The following CAPN5 variants were observed in gnomAD, a reference collection of about 807,000 sequenced individuals.
CAPN5 encodes the protein calpain-5.
In CAPN5, 54 loss-of-function variants were observed where a neutral mutation model predicts 73.0. That is an observed-to-expected ratio of 0.74 (90% CI 0.59 to 0.93). CAPN5 has a LOEUF of 0.93. CAPN5 is among the 40% of genes least tolerant of loss of function. The pLI, the probability that CAPN5 is intolerant of heterozygous loss-of-function variation, is 0.00. For missense variants in CAPN5, 785 were observed against 882.9 expected (o/e 0.89, Z 1.41); for synonymous variants, 335 against 356.9 (o/e 0.94, Z 0.69).
At chr11:77,090,042 A>G (rs782428217) in intron 2 of CAPN5, among the ~76,000 whole-genome samples, 21 of 152,194 alleles carry the variant, frequency 1.4e-4, no homozygotes, top group Non-Finnish European at 2.5e-4. Flanking sequence ...GGGGATGCCA[A>G]CAGTGCCCAT....
At chr11:77,096,487 C>T (rs115034483) in intron 3 of CAPN5, among the ~76,000 whole-genome samples, 2,572 of 152,294 alleles carry the variant, frequency 0.017, 65 homozygotes, top group African/African-American at 0.058. Context: ...AGATGGCCCA[C>T]CTGTTTCTCT....
At chr11:77,104,244 C>G (rs1454182481) in intron 3 of CAPN5, among the ~76,000 whole-genome samples, 1 of 152,162 alleles carries the variant, frequency 6.6e-6, no homozygotes, top group Non-Finnish European at 1.5e-5. Flanking sequence ...AGGGGGTTCC[C>G]TTTGCCTTGA....
intron 1 of CAPN5, among the ~76,000 whole-genome samples, chr11:77,071,296 G>A (rs782367220): frequency 1.3e-5 from 2 of 152,246 alleles, no homozygotes; most frequent in Non-Finnish European, 2.9e-5. Context: ...GGTAGCCAGA[G>A]TTCAGGGATG....
intron 3 of CAPN5, among the ~76,000 whole-genome samples, chr11:77,108,078 C>T (rs1280567192): frequency 6.6e-6 from 1 of 152,214 alleles, no homozygotes; most frequent in South Asian, 2.1e-4. Flanking sequence ...CCATGCACCG[C>T]AGTGGGTAAT....
chr11:77,068,065 G>C (rs1018114602), intron 1 of CAPN5, among the ~76,000 whole-genome samples: 12 of 152,168 alleles, frequency 7.9e-5, no homozygotes, highest in South Asian at 2.1e-4. Flanking sequence ...CAGACTTCTT[G>C]GAAGAGAGGG....
At chr11:77,093,285 C>G (rs938334024) in intron 2 of CAPN5, among the ~76,000 whole-genome samples, 1 of 152,136 alleles carries the variant, frequency 6.6e-6, no homozygotes, top group Non-Finnish European at 1.5e-5. Flanking sequence ...TGTGGGCTGG[C>G]GGGGGTGGGC....
intron 3 of CAPN5, among the ~76,000 whole-genome samples, chr11:77,107,369 C>T (rs1412864374): frequency 6.6e-6 from 1 of 152,190 alleles, no homozygotes; most frequent in Non-Finnish European, 1.5e-5. Flanking sequence ...AGAAACGCTC[C>T]GCACTGGCCC....
chr11:77,104,641 G>T (rs1950324919), intron 3 of CAPN5, among the ~76,000 whole-genome samples: 1 of 152,070 alleles, frequency 6.6e-6, no homozygotes, highest in African/African-American at 2.4e-5. Context: ...TTGGGGGAGT[G>T]CCTGACCTGC....
intron 1 of CAPN5, chr11:77,072,880 C>T (rs1476257415): frequency 2.9e-6 from 1 of 342,472 alleles, no homozygotes; most frequent in African/African-American, 2.2e-5. Flanking sequence ...CCCCTCCCTG[C>T]CACTCAATCA....
chr11:77,109,282 A>G (rs1555040395), intron 3 of CAPN5, among the ~76,000 whole-genome samples: 3 of 152,210 alleles, frequency 2.0e-5, no homozygotes, highest in African/African-American at 7.2e-5. Flanking sequence ...ATGAGCAGGA[A>G]GTCTCTTCCA....
At chr11:77,097,678 G>C (rs1277729476) in intron 3 of CAPN5, among the ~76,000 whole-genome samples, 1 of 102,972 alleles carries the variant, frequency 9.7e-6, no homozygotes, top group Non-Finnish European at 1.9e-5. Flanking sequence ...GACTCTTAAC[G>C]AGCATGCTGC....
intron 3 of CAPN5, among the ~76,000 whole-genome samples, chr11:77,101,207 G>T (rs1418294703): frequency 6.6e-6 from 1 of 152,150 alleles, no homozygotes; most frequent in African/African-American, 2.4e-5. Flanking sequence ...GGCAGGCCCC[G>T]TTCTGGTTGC....
chr11:77,070,741 T>C (rs1288217225), intron 1 of CAPN5, among the ~76,000 whole-genome samples: 1 of 152,230 alleles, frequency 6.6e-6, no homozygotes, highest in Non-Finnish European at 1.5e-5. Context: ...CCCATGAGTC[T>C]AATGGAGCTA....
intron 2 of CAPN5, among the ~76,000 whole-genome samples, chr11:77,085,322 C>G (rs1282890426): frequency 6.6e-6 from 1 of 152,192 alleles, no homozygotes; most frequent in African/African-American, 2.4e-5. Context: ...GGGCAGTAAC[C>G]TCAGCCCCGC....
chr11:77,093,487 G>A (rs1555036871), intron 2 of CAPN5, among the ~76,000 whole-genome samples, 195 bp from the exon 3 acceptor site: 1 of 152,212 alleles, frequency 6.6e-6, no homozygotes, highest in African/African-American at 2.4e-5. Flanking sequence ...AGGCAGGACC[G>A]CGGGGTGGGG....
intron 8 of CAPN5, 81 bp from the exon 9 acceptor site, chr11:77,118,949 C>T: frequency 6.7e-7 from 1 of 1,502,530 alleles, no homozygotes; most frequent in African/African-American, 1.4e-5. Flanking sequence ...GCTCTGGAGT[C>T]TGAGCTTCCG....
chr11:77,093,586 C>G, intron 2 of CAPN5, 96 bp from the exon 3 acceptor site: 8 of 778,348 alleles, frequency 1.0e-5, no homozygotes, highest in South Asian at 4.6e-5. Flanking sequence ...CACAGCAAGT[C>G]TGTGTCTGTC....
chr11:77,067,264 G>A (rs1487617379), intron 1 of CAPN5, among the ~76,000 whole-genome samples, 170 bp downstream of exon 1: 1 of 151,934 alleles, frequency 6.6e-6, no homozygotes, highest in Non-Finnish European at 1.5e-5. Flanking sequence ...CGCTGGCTGG[G>A]GGGCGGGGTC....
At position 77,103,317 on chromosome 11, in the gene CAPN5, T is replaced by A. The variant is rs1555039315; in HGVS notation, c.298-9272T>A. 3 of 1,609,464 alleles carry A rather than the reference T, an allele frequency of 1.9e-6. No homozygotes were observed. The East Asian group carries it at 6.7e-5, about 36-fold the overall frequency. Reference sequence around the variant, plus strand: ...CGCCAACCTCAAGGCCTCCGTGGTTTTTAACCAGCTCTGACAGCAGCTGCC... The same window carrying A: ...CGCCAACCTCAAGGCCTCCGTGGTTATTAACCAGCTCTGACAGCAGCTGCC... On this transcript the variant is annotated intron_variant, in intron 3 of 12. Coordinates refer to ENST00000648180, the MANE Select transcript of CAPN5 (RefSeq NM_004055.5).
Sources: gnomAD v4.1 joint callset for allele counts (sites outside exome capture counted in the v4.1 genomes callset) on GRCh38, gnomAD v4.1.1 for gene constraint, MANE v1.5 for transcripts, NCBI Gene and HGNC (gene_info 2026-07-23, HGNC 2026-07-21) for gene names.